Variants in PCDHA8 observed in about 807,000 individuals in gnomAD.
PCDHA8 encodes protocadherin alpha-8.
A neutral mutation model predicts 61.8 loss-of-function variants in PCDHA8; 53 were observed. The observed-to-expected ratio is 0.86, with a 90% CI of 0.69 to 1.08. PCDHA8 has a LOEUF of 1.08. PCDHA8 is among the 50% of genes least tolerant of loss of function. PCDHA8 has a pLI of 0.00. For synonymous variants in PCDHA8, 618 were observed against 556.6 expected, an observed-to-expected ratio of 1.11 and a Z score of -1.55; for missense variants, 1,293 against 1,245.0, an observed-to-expected ratio of 1.04 and a Z score of -0.58.
chr5:140,997,018 A>AT (rs1162959481), intron 3 of PCDHA8, among the ~76,000 whole-genome samples: 3 of 151,882 alleles, frequency 2.0e-5, no homozygotes, highest in Admixed American at 1.3e-4. Flanking sequence ...ATCCTCCAAT[A>AT]TTTTTTTGAA....
At chr5:140,870,081 T>A (rs782572380) in intron 1 of PCDHA8, 1 of 1,613,698 alleles carries the variant, frequency 6.2e-7, no homozygotes, top group East Asian at 2.2e-5. Flanking sequence ...ATAAGGGGAC[T>A]CCCCCAATGG....
chr5:140,898,593 C>A (rs1236439193), intron 1 of PCDHA8, among the ~76,000 whole-genome samples: 13 of 152,146 alleles, frequency 8.5e-5, no homozygotes, highest in Admixed American at 1.3e-4. Flanking sequence ...GTTACTGTAG[C>A]CTTGTAGTAT....
At chr5:140,924,464 G>A (rs1358240470) in intron 1 of PCDHA8, among the ~76,000 whole-genome samples, 1 of 152,196 alleles carries the variant, frequency 6.6e-6, no homozygotes, top group Non-Finnish European at 1.5e-5. Flanking sequence ...TGTTTAGGGA[G>A]GTAACTGGTT....
chr5:140,935,353 T>C (rs2090328143), intron 1 of PCDHA8, among the ~76,000 whole-genome samples: 1 of 152,184 alleles, frequency 6.6e-6, no homozygotes, highest in Non-Finnish European at 1.5e-5. Flanking sequence ...CAAATCCCAG[T>C]TTTCATTAAC....
chr5:140,957,826 G>A (rs1282608668), intron 1 of PCDHA8, among the ~76,000 whole-genome samples: 3 of 151,106 alleles, frequency 2.0e-5, no homozygotes, highest in East Asian at 3.9e-4. Flanking sequence ...TTAAGAGAAA[G>A]TGTTAATTGA....
At chr5:140,968,639 GC>G in intron 1 of PCDHA8, 1 of 1,614,150 alleles carries the variant, frequency 6.2e-7, no homozygotes, top group Non-Finnish European at 8.5e-7. Context: ...TTACCATCTA[GC>G]CCAGACTTCT....
Position 140,842,658 on chromosome 5 carries a change from C to T in PCDHA8, c.1337C>T (p.Ala446Val). ...WATASLSVEVADVNDNAPAFA... is the reference protein window; with the variant it reads ...WATASLSVEVVDVNDNAPAFA... ...ACCGCCAGCTTGTCTGTGGAGGTGG[C>T]CGACGTGAACGACAATGCTCCGGCG... is the stretch of plus-strand genomic sequence containing the variant. Residue 446 changes from alanine to valine, a missense_variant, in exon 1 of 4, where the codon GCC (alanine) becomes GTC (valine). Coordinates refer to ENST00000531613, the MANE Select transcript of PCDHA8 (RefSeq NM_018911.3). 1.9e-6 allele frequency: 3 copies of T among 1,595,322 alleles called. 1 individual carries two copies. The highest frequency in any genetic ancestry group is 8.6e-7 in the Non-Finnish European group (1 of 1,165,500).
chr5:140,967,985 A>C, intron 1 of PCDHA8: 1 of 1,614,218 alleles, frequency 6.2e-7, no homozygotes, highest in Non-Finnish European at 8.5e-7. Context: ...TCTGGAGGCC[A>C]CACTGCCTTT....
chr5:140,913,942 T>A (rs1489221369), intron 1 of PCDHA8, among the ~76,000 whole-genome samples: 10 of 152,198 alleles, frequency 6.6e-5, no homozygotes, highest in African/African-American at 2.4e-4. Flanking sequence ...GAGAAGAATC[T>A]TGATATGATA....
chr5:140,881,446 TC>T, intron 1 of PCDHA8: 1 of 787,056 alleles, frequency 1.3e-6, no homozygotes, highest in Non-Finnish European at 1.5e-6. Flanking sequence ...AAAAACAGAA[TC>T]CAAAACCTTA....
chr5:140,909,996 T>G (rs549464312), intron 1 of PCDHA8, among the ~76,000 whole-genome samples: 5 of 152,310 alleles, frequency 3.3e-5, no homozygotes, highest in African/African-American at 1.2e-4. Context: ...ACAGCATAAA[T>G]TGTTGTCAGT....
chr5:140,855,933 T>C, intron 1 of PCDHA8: 1 of 1,295,336 alleles, frequency 7.7e-7, no homozygotes, highest in Non-Finnish European at 1.1e-6. Flanking sequence ...AGCGTCATTC[T>C]GAGATCTCAG....
chr5:140,886,062 C>T (rs925772414), intron 1 of PCDHA8, among the ~76,000 whole-genome samples: 10 of 152,172 alleles, frequency 6.6e-5, no homozygotes, highest in Non-Finnish European at 1.2e-4. Context: ...CTTACAAAAG[C>T]GTAGGGCCAT....
At position 140,842,211 on chromosome 5, in the gene PCDHA8, G is replaced by A. The variant is rs141101675; in HGVS notation, c.890G>A (p.Arg297Gln). The A allele has an allele frequency of 5.8e-5, 93 of 1,613,388 alleles. 2 individuals carry two copies. Among genetic ancestry groups the A allele is most frequent in the Non-Finnish European group, 5.4e-5 (64 of 1,179,636 alleles). The part of the protein sequence containing the change: ...TMVIDHFSID[R>Q]NTGEIVIRGN... ...GTTATTGACCACTTTAGCATAGATCGAAATACGGGAGAAATAGTGATTCGG... is the reference window on the plus strand; with the variant it reads ...GTTATTGACCACTTTAGCATAGATCAAAATACGGGAGAAATAGTGATTCGG... The change falls in exon 1 of 4, where the codon CGA becomes CAA. Residue 297 changes from arginine to glutamine, a missense_variant. By Grantham distance (43) the Arg-to-Gln change is conservative (BLOSUM62 1). Transcript: ENST00000531613.
At chr5:140,945,206 A>G (rs148955371) in intron 1 of PCDHA8, among the ~76,000 whole-genome samples, 1 of 152,282 alleles carries the variant, frequency 6.6e-6, no homozygotes, top group East Asian at 1.9e-4. Context: ...TACAATAGCT[A>G]TGAGAAAATA....
At chr5:140,938,835 CA>C (rs2092222540) in intron 1 of PCDHA8, among the ~76,000 whole-genome samples, 1 of 152,008 alleles carries the variant, frequency 6.6e-6, no homozygotes, top group African/African-American at 2.4e-5. Flanking sequence ...TGCGTTATAA[CA>C]AACCTGCCCA....
chr5:140,946,959 A>C (rs918204180), intron 1 of PCDHA8, among the ~76,000 whole-genome samples: 2 of 151,664 alleles, frequency 1.3e-5, no homozygotes, highest in Non-Finnish European at 3.0e-5. Context: ...GTATATTTCA[A>C]AATATTATAG....
chr5:141,006,351 A>G (rs537027677), intron 3 of PCDHA8, among the ~76,000 whole-genome samples: 1 of 151,966 alleles, frequency 6.6e-6, no homozygotes, highest in Non-Finnish European at 1.5e-5. Flanking sequence ...AGCTGGGACT[A>G]TAGGCGCCCA....
intron 1 of PCDHA8, chr5:140,870,888 A>G: frequency 1.9e-6 from 3 of 1,613,936 alleles, no homozygotes; most frequent in Non-Finnish European, 2.5e-6. Context: ...AGGTGCGCGC[A>G]GTGGATGCGG....
Sources: gnomAD v4.1 joint callset for allele counts (sites outside exome capture counted in the v4.1 genomes callset) on GRCh38, gnomAD v4.1.1 for gene constraint, MANE v1.5 for transcripts, NCBI Gene and HGNC (gene_info 2026-07-23, HGNC 2026-07-21) for gene names.